Variants in SYNE2 observed in about 807,000 individuals in gnomAD.
SYNE2 encodes the protein spectrin repeat containing nuclear envelope protein 2.
In SYNE2, 431 loss-of-function variants were observed where a neutral mutation model predicts 856.3. The ratio of observed to expected loss-of-function variants is 0.50; its 90% CI spans 0.47 to 0.55. SYNE2 has a LOEUF of 0.55. SYNE2 is among the 20% of genes least tolerant of loss of function. SYNE2 has a pLI of 0.00. For synonymous variants in SYNE2, 2,923 were observed against 2,872.3 expected (o/e 1.02, Z -0.56); for missense variants, 8,129 against 8,023.2 (o/e 1.01, Z -0.50).
chr14:63,895,089 A>G (rs1468475663), intron 1 of SYNE2, among the ~76,000 whole-genome samples: 2 of 149,790 alleles, frequency 1.3e-5, no homozygotes, highest in South Asian at 2.2e-4. Context: ...TTGAAAGCAC[A>G]TAAATTTCCA....
intron 100 of SYNE2, among the ~76,000 whole-genome samples, chr14:64,204,754 G>T (rs187567618): frequency 1.3e-5 from 2 of 152,238 alleles, no homozygotes; most frequent in Admixed American, 6.5e-5. Context: ...GTTAAATGCT[G>T]TGTTAGTTTT....
At chr14:64,040,845 T>G (rs1057113993) in intron 45 of SYNE2, among the ~76,000 whole-genome samples, 10 of 151,692 alleles carry the variant, frequency 6.6e-5, no homozygotes. Context: ...AGGAAAAATA[T>G]GAATCTTGTT....
In SYNE2 at chr14:63,961,586, G is replaced by GT. The variant is rs1465503866; in HGVS notation, c.850dup (p.Tyr284LeufsTer40). On this transcript the variant is annotated frameshift_variant, in exon 9 of 116. Coordinates refer to ENST00000555002, the MANE Select transcript of SYNE2 (RefSeq NM_182914.3). LOFTEE classifies it high-confidence loss of function. ...TGACCTATGTGGCACAGTTTCTGCA[G>GT]TATTCCAAAGATGCCCCTGGGACTG... is the stretch of plus-strand genomic sequence containing the variant. The GT allele has an allele frequency of 1.2e-6, 2 of 1,614,086 alleles. No homozygotes were observed. Among genetic ancestry groups the GT allele is most frequent in the Non-Finnish European group, 1.7e-6 (2 of 1,179,964 alleles).
intron 1 of SYNE2, among the ~76,000 whole-genome samples, chr14:63,812,711 C>T (rs1390845777): frequency 6.6e-6 from 1 of 152,082 alleles, no homozygotes; most frequent in South Asian, 2.1e-4. Flanking sequence ...TGTTCCTCTG[C>T]TGTGGCTCCA....
At chr14:64,154,037 G>A (rs184898255) in intron 85 of SYNE2, among the ~76,000 whole-genome samples, 1 of 151,964 alleles carries the variant, frequency 6.6e-6, no homozygotes, top group East Asian at 1.9e-4. Context: ...ATAGATCAAA[G>A]ACATAAATGC....
intron 45 of SYNE2, among the ~76,000 whole-genome samples, chr14:64,034,981 T>C (rs536772961): frequency 6.6e-6 from 1 of 150,554 alleles, no homozygotes; most frequent in South Asian, 2.1e-4. Flanking sequence ...TTATCTAGTA[T>C]GGAATGATCT....
intron 109 of SYNE2, among the ~76,000 whole-genome samples, 158 bp from the exon 110 acceptor site, chr14:64,219,050 A>G (rs992717417): frequency 1.3e-5 from 2 of 150,992 alleles, no homozygotes; most frequent in African/African-American, 4.9e-5. Context: ...CCAGGAGAAG[A>G]GAGAACTCCC....
At chr14:63,838,177 C>T (rs1235297342) in intron 1 of SYNE2, among the ~76,000 whole-genome samples, 1 of 152,068 alleles carries the variant, frequency 6.6e-6, no homozygotes, top group African/African-American at 2.4e-5. Flanking sequence ...TGAGACCAGC[C>T]TGGTGAACAT....
At chr14:64,024,595 G>C (rs1383751587) in intron 39 of SYNE2, 136 bp downstream of exon 39, 2 of 890,386 alleles carry the variant, frequency 2.2e-6, no homozygotes, top group East Asian at 2.6e-5. Context: ...TTCAATCCAG[G>C]TTTGGTGCTA....
intron 1 of SYNE2, among the ~76,000 whole-genome samples, chr14:63,798,023 G>C (rs1887986951): frequency 6.6e-6 from 1 of 152,154 alleles, no homozygotes; most frequent in Admixed American, 6.6e-5. Context: ...TGTTTTATTT[G>C]ATCTAGGTTA....
chr14:63,995,183 G>T lies in SYNE2; in HGVS notation c.2921G>T (p.Gly974Val). 1 of 1,607,904 alleles carries T rather than the reference G, an allele frequency of 6.2e-7. No homozygotes were observed. The highest frequency in any genetic ancestry group is 8.5e-7 in the Non-Finnish European group (1 of 1,176,400). The change falls in exon 23 of 116, where the codon GGT becomes GTT. Residue 974 changes from glycine to valine, a missense_variant. This residue lies in a region of SYNE2 where 2,422 missense variants were observed against 2,357.4 expected (regional missense o/e 1.03). Transcript: ENST00000555002. ...KKLIRRGRTK[G>V]LIKEHEACFS... ...CTTATCCGTAGAGGAAGGACCAAGG[G>T]TCTCATCAAAGAACATGAGGTACAA...
At chr14:64,021,161 A>G (rs1396431637) in intron 35 of SYNE2, among the ~76,000 whole-genome samples, 154 bp from the exon 36 acceptor site, 1 of 152,184 alleles carries the variant, frequency 6.6e-6, no homozygotes, top group African/African-American at 2.4e-5. Context: ...GCAAAATTCA[A>G]ATTGTATCAG....
intron 1 of SYNE2, among the ~76,000 whole-genome samples, chr14:63,869,478 C>T (rs1017186045): frequency 8.6e-5 from 13 of 151,370 alleles, no homozygotes; most frequent in East Asian, 5.8e-4. Context: ...AAAAATTAGC[C>T]GGGCGTGGTG....
At chr14:64,004,751 G>A (rs1342405019) in intron 30 of SYNE2, among the ~76,000 whole-genome samples, 1 of 152,144 alleles carries the variant, frequency 6.6e-6, no homozygotes. Flanking sequence ...AGCCAAGTGT[G>A]CCTTTCCCTC....
chr14:64,116,080 A>G (rs997040112), intron 66 of SYNE2, among the ~76,000 whole-genome samples: 2 of 152,074 alleles, frequency 1.3e-5, no homozygotes, highest in African/African-American at 4.8e-5. Context: ...CTGAGGCACT[A>G]ATATCTCTTA....
chr14:64,214,513 G>T, intron 106 of SYNE2, 43 bp downstream of exon 106: 1 of 1,575,244 alleles, frequency 6.3e-7, no homozygotes. Context: ...GACCCGTTTG[G>T]CTATGTTTTT....
chr14:63,780,362 C>T (rs550261889), intron 1 of SYNE2, among the ~76,000 whole-genome samples: 2 of 152,132 alleles, frequency 1.3e-5, no homozygotes, highest in African/African-American at 4.8e-5. Flanking sequence ...GGCGAAACCT[C>T]ATCTCTACTA....
intron 108 of SYNE2, among the ~76,000 whole-genome samples, chr14:64,216,627 G>A (rs1458782112): frequency 6.6e-6 from 1 of 152,224 alleles, no homozygotes; most frequent in African/African-American, 2.4e-5. Context: ...TTGGTGTGGT[G>A]TAACAGTCAT....
rs771625597 is a variant in SYNE2, at chr14:64,053,155, G to A, written c.9242G>A (p.Arg3081Gln). 43 of 1,613,978 alleles carry A rather than the reference G, an allele frequency of 2.7e-5. 1 individual carries two copies. The South Asian group carries it at 4.0e-4, about 15-fold the overall frequency. ...CCTGATAGCTCTCCGGAAAGCAGAC[G>A]GCTCAATGCCCAAATTTTAAGTCAG... ...KAPDSSPESR[R>Q]LNAQILSQRI... The change falls in exon 48 of 116, where the codon CGG (arginine) becomes CAG (glutamine). Residue 3081 changes from arginine (R) to glutamine (Q), a missense_variant. Transcript: ENST00000555002.
Sources: allele counts gnomAD v4.1 joint callset (sites outside exome capture counted in the v4.1 genomes callset), GRCh38; gene constraint gnomAD v4.1.1; regional missense constraint gnomAD v4.1.1; transcripts MANE v1.5; gene names NCBI Gene and HGNC (gene_info 2026-07-23, HGNC 2026-07-21).